GRM5: variants seen among roughly 807,000 people sequenced by gnomAD.
GRM5 encodes the protein metabotropic glutamate receptor 5.
A neutral mutation model predicts 83.1 loss-of-function variants in GRM5; 19 were observed. The observed-to-expected ratio is 0.23, with a 90% CI of 0.16 to 0.34. The LOEUF is 0.34. Among genes scored for constraint, GRM5 ranks in the 10% least tolerant of loss-of-function variants. GRM5 has a pLI of 1.00. For synonymous variants in GRM5, 675 were observed against 633.6 expected, an observed-to-expected ratio of 1.07 and a Z score of -0.98; for missense variants, 1,160 against 1,588.3, an observed-to-expected ratio of 0.73 and a Z score of 4.58.
chr11:88,986,977 G>A (rs1437925371), intron 2 of GRM5, among the ~76,000 whole-genome samples: 1 of 151,750 alleles, frequency 6.6e-6, no homozygotes, highest in Non-Finnish European at 1.5e-5. Flanking sequence ...CAAGAGGTCA[G>A]ATCAAGATCA....
chr11:89,048,122 G>C (rs1159174379), intron 1 of GRM5, 50 bp from the exon 2 acceptor site: 34 of 438,804 alleles, frequency 7.7e-5, no homozygotes, highest in Non-Finnish European at 1.2e-4. Context: ...AATGCAACTA[G>C]TTTGGGGAAG....
intron 2 of GRM5, among the ~76,000 whole-genome samples, chr11:88,872,933 A>G (rs1339107798): frequency 2.4e-5 from 2 of 82,536 alleles, no homozygotes; most frequent in Non-Finnish European, 4.8e-5. Context: ...TGAATTAAAA[A>G]AAAAAAGACC....
chr11:88,757,202 G>A (rs971482642), intron 3 of GRM5, among the ~76,000 whole-genome samples: 1 of 152,164 alleles, frequency 6.6e-6, no homozygotes, highest in Non-Finnish European at 1.5e-5. Context: ...TGGCAAAAAT[G>A]TCCTTTGAAA....
intron 1 of GRM5, among the ~76,000 whole-genome samples, chr11:89,060,285 TACAC>T (rs36002872): frequency 2.0e-4 from 16 of 80,908 alleles, no homozygotes; most frequent in Admixed American, 3.9e-4. Flanking sequence ...TATATATATA[TACAC>T]ACACACACAC....
intron 3 of GRM5, among the ~76,000 whole-genome samples, chr11:88,832,741 C>T (rs553945375): frequency 6.6e-6 from 1 of 152,154 alleles, no homozygotes; most frequent in Admixed American, 6.5e-5. Context: ...GTGACCAAAA[C>T]AATATGGTAT....
chr11:88,730,956 G>A (rs1321367869), intron 3 of GRM5, among the ~76,000 whole-genome samples: 16 of 151,934 alleles, frequency 1.1e-4, no homozygotes, highest in Non-Finnish European at 1.5e-5. Context: ...ACCATGGCAC[G>A]TGTATACCTA....
At chr11:88,515,832 C>G (rs1314176348) in intron 9 of GRM5, among the ~76,000 whole-genome samples, 2 of 152,176 alleles carry the variant, frequency 1.3e-5, no homozygotes, top group East Asian at 3.8e-4. Flanking sequence ...CTGCTGCAGT[C>G]AGGAAGACTT....
rs1307457323 is a variant in GRM5, at chr11:89,058,058, TA to T, written c.-201+7717del. 3.7e-4 allele frequency among the ~76,000 whole-genome samples: 57 copies of T among 152,002 alleles called. 1 individual carries two copies. Among genetic ancestry groups the T allele is most frequent in the Admixed American group, 3.7e-3 (57 of 15,258 alleles). On this transcript the variant is annotated intron_variant, in intron 1 of 9. Coordinates refer to ENST00000305447, the MANE Select transcript of GRM5 (RefSeq NM_001143831.3). ...ATTTGGCTCCAAAGCCCAAACTTAATAAACAAATAATGAGGTCTCCCCACAA... is the reference window on the plus strand; with the variant it reads ...ATTTGGCTCCAAAGCCCAAACTTAATAACAAATAATGAGGTCTCCCCACAA...
intron 2 of GRM5, among the ~76,000 whole-genome samples, chr11:88,970,375 G>T (rs1939130632): frequency 6.6e-6 from 1 of 152,142 alleles, no homozygotes; most frequent in African/African-American, 2.4e-5. Context: ...TCAGGCAAGA[G>T]TGAAGAGGTA....
intron 3 of GRM5, among the ~76,000 whole-genome samples, chr11:88,777,946 C>T (rs776030837): frequency 1.6e-4 from 25 of 152,186 alleles, no homozygotes; most frequent in South Asian, 4.1e-4. Context: ...TGTCCATTCT[C>T]AGAGCTCAAA....
chr11:88,648,881 A>G (rs1939543648), intron 4 of GRM5, among the ~76,000 whole-genome samples: 1 of 150,504 alleles, frequency 6.6e-6, no homozygotes, highest in East Asian at 1.9e-4. Context: ...GTAATTGGAT[A>G]GTAGGAGTGG....
At chr11:88,762,056 A>G (rs11021220) in intron 3 of GRM5, among the ~76,000 whole-genome samples, 97,569 of 151,992 alleles carry the variant, frequency 0.64, 32,100 homozygotes, top group Non-Finnish European at 0.73. Context: ...AAGATGGATT[A>G]AATACTTAAA....
intron 4 of GRM5, among the ~76,000 whole-genome samples, chr11:88,644,672 G>A (rs1435917437): frequency 6.6e-6 from 1 of 152,138 alleles, no homozygotes; most frequent in East Asian, 1.9e-4. Flanking sequence ...CAAAAGGTGA[G>A]CATCTCTGTC....
chr11:88,618,225 C>A (rs1198032486), intron 4 of GRM5, among the ~76,000 whole-genome samples: 3 of 152,182 alleles, frequency 2.0e-5, no homozygotes, highest in Non-Finnish European at 4.4e-5. Context: ...AATCAGTATT[C>A]TCCATTAGAT....
intron 2 of GRM5, among the ~76,000 whole-genome samples, chr11:88,978,474 T>TAAAAAAAAAAAAAAAAAAAA (rs200343438): frequency 4.1e-5 from 4 of 97,984 alleles, no homozygotes; most frequent in African/African-American, 7.4e-5. Flanking sequence ...CAGATGAGCT[T>TAAAAAAAAAAAAAAAAAAAA]AAAAAAAAAA....
intron 4 of GRM5, among the ~76,000 whole-genome samples, chr11:88,615,850 C>T (rs939096416): frequency 1.8e-4 from 27 of 151,964 alleles, no homozygotes; most frequent in African/African-American, 6.5e-4. Flanking sequence ...TTTAGGTCCC[C>T]ATCTATCTTC....
chr11:88,928,386 T>C (rs1434063386), intron 2 of GRM5, among the ~76,000 whole-genome samples: 1 of 151,866 alleles, frequency 6.6e-6, no homozygotes, highest in African/African-American at 2.4e-5. Context: ...CAAAGAGTAG[T>C]TGTGGGTCTG....
chr11:88,914,596 G>C (rs1324552401), intron 2 of GRM5, among the ~76,000 whole-genome samples: 1 of 152,188 alleles, frequency 6.6e-6, no homozygotes, highest in Non-Finnish European at 1.5e-5. Flanking sequence ...CAGGTGGTAA[G>C]GTTATTCTGT....
chr11:88,635,920 A>C (rs538576771), intron 4 of GRM5, among the ~76,000 whole-genome samples: 5 of 152,320 alleles, frequency 3.3e-5, no homozygotes, highest in Admixed American at 1.3e-4. Flanking sequence ...AGTAAATGAT[A>C]CTAATGTATT....
Sources: allele counts gnomAD v4.1 joint callset (sites outside exome capture counted in the v4.1 genomes callset), GRCh38; gene constraint gnomAD v4.1.1; transcripts MANE v1.5; gene names NCBI Gene and HGNC (gene_info 2026-07-23, HGNC 2026-07-21).